Variants in RYR3 observed in about 807,000 individuals in gnomAD.
RYR3 encodes the protein ryanodine receptor 3.
Under a neutral mutation model 584.3 loss-of-function variants are expected in RYR3, and 207 were observed. That is an observed-to-expected ratio of 0.35 (90% CI 0.32 to 0.40). RYR3 has a LOEUF of 0.40. Ranked by LOEUF, RYR3 falls within the 10% of genes least tolerant of loss-of-function variation. RYR3 has a pLI of 1.00. For missense variants in RYR3, 5,616 were observed against 6,089.2 expected (o/e 0.92, Z 2.59); for synonymous variants, 2,416 against 2,248.5 (o/e 1.07, Z -2.11).
chr15:33,489,367 C>T (rs180760263), intron 2 of RYR3, among the ~76,000 whole-genome samples: 64 of 152,310 alleles, frequency 4.2e-4, no homozygotes, highest in Admixed American at 1.4e-3. Context: ...TCCCACCTTT[C>T]GCCCTCAAGT....
At chr15:33,817,154 C>T (rs2076860219) in intron 75 of RYR3, among the ~76,000 whole-genome samples, 196 bp downstream of exon 75, 1 of 152,186 alleles carries the variant, frequency 6.6e-6, no homozygotes, top group African/African-American at 2.4e-5. Context: ...CTTGGAGTTG[C>T]TAATACTGTC....
At chr15:33,350,972 T>C (rs142020872) in intron 1 of RYR3, among the ~76,000 whole-genome samples, 4 of 151,778 alleles carry the variant, frequency 2.6e-5, no homozygotes, top group South Asian at 4.2e-4. Flanking sequence ...AATCCAGGAG[T>C]TGGTTTTTTG....
At chr15:33,599,521 C>A (rs1360467170) in intron 16 of RYR3, among the ~76,000 whole-genome samples, 1 of 152,120 alleles carries the variant, frequency 6.6e-6, no homozygotes, top group Non-Finnish European at 1.5e-5. Flanking sequence ...AGGGAACTTC[C>A]AGGTTACAGA....
chr15:33,568,941 A>C (rs2057867262), intron 12 of RYR3, among the ~76,000 whole-genome samples: 1 of 152,162 alleles, frequency 6.6e-6, no homozygotes, highest in Non-Finnish European at 1.5e-5. Flanking sequence ...TGTCTTTTGA[A>C]TCTGGCCTTT....
intron 90 of RYR3, among the ~76,000 whole-genome samples, chr15:33,841,469 A>G (rs565489852): frequency 8.5e-4 from 129 of 152,322 alleles, no homozygotes; most frequent in Non-Finnish European, 1.3e-3. Context: ...GATGACAGTG[A>G]TATCTAATGT....
intron 19 of RYR3, among the ~76,000 whole-genome samples, chr15:33,620,983 A>T (rs191249491): frequency 6.6e-6 from 1 of 152,198 alleles, no homozygotes; most frequent in Non-Finnish European, 1.5e-5. Context: ...GTGTTAATTT[A>T]TTTTACAGTT....
intron 38 of RYR3, among the ~76,000 whole-genome samples, chr15:33,695,895 C>T (rs1182349284): frequency 6.6e-6 from 1 of 151,284 alleles, no homozygotes; most frequent in Non-Finnish European, 1.5e-5. Flanking sequence ...AAGCAGTCCT[C>T]CCACCTCAGC....
At chr15:33,860,333 C>A (rs971822722) in intron 100 of RYR3, among the ~76,000 whole-genome samples, 1 of 151,908 alleles carries the variant, frequency 6.6e-6, no homozygotes, top group Non-Finnish European at 1.5e-5. Flanking sequence ...AGGAGACCAA[C>A]CAGGGAGAAG....
chr15:33,446,451 G>A (rs1179424942), intron 1 of RYR3, among the ~76,000 whole-genome samples: 1 of 152,204 alleles, frequency 6.6e-6, no homozygotes, highest in African/African-American at 2.4e-5. Flanking sequence ...CACAGTTACA[G>A]AGGCTGGAAG....
chr15:33,322,159 C>T (rs1382611342), intron 1 of RYR3, among the ~76,000 whole-genome samples: 1 of 152,150 alleles, frequency 6.6e-6, no homozygotes, highest in Non-Finnish European at 1.5e-5. Context: ...TTAGGCCATT[C>T]TTGGGTTGCC....
At chr15:33,772,414 C>T (rs1376067465) in intron 63 of RYR3, among the ~76,000 whole-genome samples, 2 of 152,140 alleles carry the variant, frequency 1.3e-5, no homozygotes, top group African/African-American at 4.8e-5. Flanking sequence ...TTCCCATCTG[C>T]CTGTCTAGCT....
At chr15:33,502,445 A>G (rs2052075558) in intron 2 of RYR3, among the ~76,000 whole-genome samples, 2 of 152,146 alleles carry the variant, frequency 1.3e-5, no homozygotes, top group African/African-American at 4.8e-5. Flanking sequence ...TCTGGCCCTC[A>G]TTCCTCATTC....
At chr15:33,543,387 G>A (rs1439142578) in intron 7 of RYR3, among the ~76,000 whole-genome samples, 1 of 152,016 alleles carries the variant, frequency 6.6e-6, no homozygotes, top group African/African-American at 2.4e-5. Flanking sequence ...CTTACCTTTT[G>A]ATGTTGGACT....
At chr15:33,805,977 C>A (rs2076186315) in intron 69 of RYR3, among the ~76,000 whole-genome samples, 1 of 151,900 alleles carries the variant, frequency 6.6e-6, no homozygotes, top group East Asian at 1.9e-4. Context: ...CTCTGTCCAC[C>A]ATTTCTTCCT....
Position 33,412,452 on chromosome 15 carries a change from C to G in RYR3, c.52-60967C>G, listed in dbSNP as rs1354664773. ...AGAGCAGGTGGTGATATGTGGATTT[C>G]CATCAAATAATTTGGTTGTCACCAG... On this transcript the variant is annotated intron_variant, in intron 1 of 103. Coordinates refer to ENST00000634891, the MANE Select transcript of RYR3 (RefSeq NM_001036.6). The surrounding 1 kb of genome is among the most constrained non-coding windows in gnomAD (Gnocchi z 4.3). Among the ~76,000 whole-genome samples the G allele has an allele frequency of 6.6e-6, 1 of 152,134 alleles. No individual in the cohort carries two copies. The highest frequency in any genetic ancestry group is 1.9e-4 in the East Asian group (1 of 5,194).
At chr15:33,679,092 A>G (rs1407330262) in intron 38 of RYR3, among the ~76,000 whole-genome samples, 1 of 152,186 alleles carries the variant, frequency 6.6e-6, no homozygotes, top group African/African-American at 2.4e-5. Context: ...TTTGTAATTC[A>G]GATCAGACTT....
At position 33,649,259 on chromosome 15, in the gene RYR3, G is replaced by C. The variant is rs768189218; in HGVS notation, c.4142+24G>C. On this transcript the variant is annotated intron_variant, in intron 31 of 103. Coordinates refer to ENST00000634891, the MANE Select transcript of RYR3 (RefSeq NM_001036.6). ...AGGTAAGGGGGCTCCCAAGTGGCAG[G>C]GTTAGCCATCGGGCTTCTCAGTCCC... 4.4e-6 allele frequency: 7 copies of C among 1,602,030 alleles called. No individual in the cohort carries two copies. In the South Asian group the frequency reaches 6.6e-5, roughly 15 times the overall value.
intron 78 of RYR3, 57 bp downstream of exon 78, chr15:33,820,869 C>A (rs867319745): frequency 8.5e-7 from 1 of 1,172,750 alleles, no homozygotes; most frequent in Middle Eastern, 1.9e-4. Flanking sequence ...TAGGCCAGGC[C>A]TTCAGAGGTG....
intron 31 of RYR3, among the ~76,000 whole-genome samples, chr15:33,651,658 T>C (rs2062476353): frequency 6.6e-6 from 1 of 152,156 alleles, no homozygotes; most frequent in Non-Finnish European, 1.5e-5. Flanking sequence ...CACCCCACAG[T>C]GCCAAATGTA....
Sources: allele counts gnomAD v4.1 joint callset (sites outside exome capture counted in the v4.1 genomes callset), GRCh38; gene constraint gnomAD v4.1.1; non-coding constraint Gnocchi (gnomAD v3.1); transcripts MANE v1.5; gene names NCBI Gene and HGNC (gene_info 2026-07-23, HGNC 2026-07-21).